The following TMEM132D variants were observed in gnomAD, a reference collection of about 807,000 sequenced individuals.
TMEM132D encodes the protein transmembrane protein 132D.
TMEM132D carries 21 observed loss-of-function variants against 62.3 expected under a neutral mutation model. That is an observed-to-expected ratio of 0.34 (90% CI 0.24 to 0.49). The LOEUF (loss-of-function observed/expected upper bound fraction) is 0.49. Ranked by LOEUF, TMEM132D falls within the 20% of genes least tolerant of loss-of-function variation. The probability of loss-of-function intolerance (pLI) is 0.99; values close to 1 mark genes in which losing one functional copy is unlikely to be tolerated. For missense variants in TMEM132D, 1,346 were observed against 1,402.8 expected (o/e 0.96, Z 0.65); for synonymous variants, 621 against 575.6 (o/e 1.08, Z -1.13).
intron 3 of TMEM132D, among the ~76,000 whole-genome samples, chr12:129,431,567 C>T (rs1201683621): frequency 6.6e-6 from 1 of 152,166 alleles, no homozygotes; most frequent in South Asian, 2.1e-4. Context: ...CGTTATCACT[C>T]CTGCCCTGGT....
intron 7 of TMEM132D, among the ~76,000 whole-genome samples, chr12:129,079,118 T>C (rs1242613551): frequency 1.3e-5 from 2 of 152,200 alleles, no homozygotes; most frequent in African/African-American, 4.8e-5. Context: ...AAATGATTTG[T>C]TTTTTTCAAA....
At chr12:129,130,453 C>T (rs976749011) in intron 5 of TMEM132D, among the ~76,000 whole-genome samples, 2 of 152,286 alleles carry the variant, frequency 1.3e-5, no homozygotes, top group African/African-American at 2.4e-5. Flanking sequence ...GGAACCCAAG[C>T]GCACTCTGGA....
intron 3 of TMEM132D, among the ~76,000 whole-genome samples, chr12:129,378,357 C>G (rs2135685264): frequency 6.6e-6 from 1 of 152,306 alleles, no homozygotes; most frequent in Middle Eastern, 3.4e-3. Context: ...AGCTAGGCAG[C>G]TCTCTGGGAG....
intron 5 of TMEM132D, among the ~76,000 whole-genome samples, chr12:129,103,241 T>A (rs1401210383): frequency 6.6e-6 from 1 of 152,186 alleles, no homozygotes; most frequent in Non-Finnish European, 1.5e-5. Flanking sequence ...CTTCTTGCTG[T>A]TCCCATGAGC....
intron 5 of TMEM132D, among the ~76,000 whole-genome samples, chr12:129,184,979 A>G (rs181679435): frequency 6.6e-6 from 1 of 152,306 alleles, no homozygotes; most frequent in East Asian, 1.9e-4. Context: ...AATTTGCTAA[A>G]CAAACCACAG....
intron 1 of TMEM132D, among the ~76,000 whole-genome samples, chr12:129,775,234 C>T (rs1870880256): frequency 6.6e-6 from 1 of 152,210 alleles, no homozygotes; most frequent in African/African-American, 2.4e-5. Context: ...GGTATTCCTT[C>T]TCTTTCCTAT....
In TMEM132D at chr12:129,461,305, C is replaced by A. The variant is rs73151086; in HGVS notation, c.1115+69754G>T. On this transcript the variant is annotated intron_variant, in intron 3 of 8. Transcript: ENST00000422113. The stretch of plus-strand genomic sequence containing the variant: ...CAGAAAGGGGACTCTGGGAACCAAG[C>A]CCAGGTATACAATTGTACCTGAGAA... Among the ~76,000 whole-genome samples the A allele has an allele frequency of 7.9e-3, 1,198 of 152,168 alleles. 6 individuals carry two copies. The highest frequency in any genetic ancestry group is 0.017 in the South Asian group (81 of 4,812).
chr12:129,350,130 C>T (rs1043144701), intron 3 of TMEM132D, among the ~76,000 whole-genome samples: 4 of 152,208 alleles, frequency 2.6e-5, no homozygotes, highest in African/African-American at 9.6e-5. Flanking sequence ...CCTTTCTTAA[C>T]TACAGGCCTC....
chr12:129,457,435 T>C lies in TMEM132D; in HGVS notation c.1115+73624A>G, dbSNP rs1593017724. Among the ~76,000 whole-genome samples, 5 of 107,492 alleles carry C rather than the reference T, an allele frequency of 4.7e-5. 1 individual carries two copies. Among genetic ancestry groups the C allele is most frequent in the African/African-American group, 1.6e-4 (5 of 30,622 alleles). The allele number at this position is 107,492 out of a possible 152,430, so 70.5% of individuals were successfully genotyped here. On this transcript the variant is annotated intron_variant, in intron 3 of 8. Coordinates refer to ENST00000422113, the MANE Select transcript of TMEM132D (RefSeq NM_133448.3). ...AAGGGGAACATCACACACCGGGGCC[T>C]GTTGTGGGGTAGGGGGGAGGGGAGA...
chr12:129,897,565 TA>T (rs939285220), intron 1 of TMEM132D, among the ~76,000 whole-genome samples: 2 of 151,572 alleles, frequency 1.3e-5, no homozygotes, highest in African/African-American at 4.8e-5. Context: ...AGGAGGAAAA[TA>T]AAAATAAAAA....
At chr12:129,394,616 AG>A (rs1871371509) in intron 3 of TMEM132D, among the ~76,000 whole-genome samples, 1 of 152,250 alleles carries the variant, frequency 6.6e-6, no homozygotes, top group South Asian at 2.1e-4. Context: ...TGTGAGAAGC[AG>A]GGTCTAGCCG....
intron 2 of TMEM132D, among the ~76,000 whole-genome samples, chr12:129,560,274 T>A (rs144473126): frequency 0.094 from 13,997 of 148,526 alleles, 762 homozygotes; most frequent in Non-Finnish European, 0.11. Context: ...TGTTTTCTTT[T>A]TTTTTTTTTT....
chr12:129,508,149 G>A (rs1875395333), intron 3 of TMEM132D, among the ~76,000 whole-genome samples: 1 of 152,166 alleles, frequency 6.6e-6, no homozygotes, highest in African/African-American at 2.4e-5. Flanking sequence ...ATGTTGAACA[G>A]AGTATTAGAA....
At chr12:129,474,989 T>C (rs1412371952) in intron 3 of TMEM132D, among the ~76,000 whole-genome samples, 2 of 152,224 alleles carry the variant, frequency 1.3e-5, no homozygotes, top group Non-Finnish European at 2.9e-5. Context: ...GTGCCTGAGA[T>C]GGCCTGCTAG....
intron 2 of TMEM132D, among the ~76,000 whole-genome samples, chr12:129,538,171 C>G (rs1349243960): frequency 1.3e-5 from 2 of 152,164 alleles, no homozygotes; most frequent in African/African-American, 4.8e-5. Flanking sequence ...TCAATGGACA[C>G]ACACAAAGAT....
At chr12:129,169,358 G>C (rs1449564583) in intron 5 of TMEM132D, among the ~76,000 whole-genome samples, 2 of 152,172 alleles carry the variant, frequency 1.3e-5, no homozygotes, top group Non-Finnish European at 2.9e-5. Context: ...AGACATGAAT[G>C]GTGTGAGGAT....
intron 3 of TMEM132D, among the ~76,000 whole-genome samples, chr12:129,443,405 T>G (rs1313678129): frequency 6.6e-6 from 1 of 152,192 alleles, no homozygotes; most frequent in East Asian, 1.9e-4. Context: ...CAAAAACTGC[T>G]TTATACACAC....
chr12:129,645,641 T>C (rs989241218), intron 2 of TMEM132D, among the ~76,000 whole-genome samples: 3 of 152,156 alleles, frequency 2.0e-5, no homozygotes, highest in Non-Finnish European at 4.4e-5. Context: ...GAATTATTGA[T>C]AATTATAACC....
At position 129,596,845 on chromosome 12, in the gene TMEM132D, T is replaced by C. The variant is rs983817239; in HGVS notation, c.969-65640A>G. Reference sequence around the variant, plus strand: ...CCCGCCAATAAAGCCCTTCTAAATATAGGACCCAGTCTGAACTCGGTAGGA... The same window carrying C: ...CCCGCCAATAAAGCCCTTCTAAATACAGGACCCAGTCTGAACTCGGTAGGA... On this transcript the variant is annotated intron_variant, in intron 2 of 8. Coordinates refer to ENST00000422113, the MANE Select transcript of TMEM132D (RefSeq NM_133448.3). Among the ~76,000 whole-genome samples, 10 of 151,902 alleles carry C rather than the reference T, an allele frequency of 6.6e-5. No homozygotes were observed. The East Asian group carries it at 1.9e-3, about 29-fold the overall frequency.
Sources: allele counts gnomAD v4.1 joint callset (sites outside exome capture counted in the v4.1 genomes callset), GRCh38; gene constraint gnomAD v4.1.1; transcripts MANE v1.5; gene names NCBI Gene and HGNC (gene_info 2026-07-23, HGNC 2026-07-21).